Variants in XRN2 observed in about 807,000 individuals in gnomAD.
The protein encoded by XRN2 is DHM1-like protein.
Under a neutral mutation model 138.5 loss-of-function variants are expected in XRN2, and 44 were observed. The ratio of observed to expected loss-of-function variants is 0.32; its 90% CI spans 0.25 to 0.41. The LOEUF (loss-of-function observed/expected upper bound fraction) is 0.41, where lower values mean the gene tolerates loss of function less well. XRN2 is among the 10% of genes least tolerant of loss of function. The pLI is 1.00. For synonymous variants in XRN2, 354 were observed against 369.4 expected (o/e 0.96, Z 0.48); for missense variants, 937 against 1,169.3 (o/e 0.80, Z 2.90).
intron 25 of XRN2, 39 bp from the exon 26 acceptor site, chr20:21,365,534 T>G: frequency 6.2e-7 from 1 of 1,613,540 alleles, no homozygotes; most frequent in Non-Finnish European, 8.5e-7. Flanking sequence ...CAAATGGTTT[T>G]CATCCCTATT....
chr20:21,368,416 G>T (rs763935763), intron 26 of XRN2, 47 bp from the exon 27 acceptor site: 3 of 1,609,694 alleles, frequency 1.9e-6, no homozygotes, highest in African/African-American at 2.7e-5. Flanking sequence ...GTTATGATGG[G>T]TATATCACTA....
At chr20:21,340,923 G>A in intron 15 of XRN2, 71 bp downstream of exon 15, 2 of 1,554,108 alleles carry the variant, frequency 1.3e-6, no homozygotes, top group Middle Eastern at 1.7e-4. Context: ...GGTGGTGTGT[G>A]TGTGAAATTT....
intron 13 of XRN2, 78 bp from the exon 14 acceptor site, chr20:21,338,966 C>T (rs1416333605): frequency 9.3e-6 from 13 of 1,397,228 alleles, no homozygotes; most frequent in Non-Finnish European, 1.3e-5. Flanking sequence ...AGTTGTCTCC[C>T]AAATCATTCC....
At chr20:21,387,136 C>A in intron 29 of XRN2, 130 bp downstream of exon 29, 1 of 1,274,040 alleles carries the variant, frequency 7.8e-7, no homozygotes, top group Non-Finnish European at 1.1e-6. Context: ...CTTGGCTGAA[C>A]TTGGGTCTGT....
chr20:21,353,180 T>C (rs1446674750), intron 20 of XRN2, among the ~76,000 whole-genome samples: 1 of 144,964 alleles, frequency 6.9e-6, no homozygotes, highest in Non-Finnish European at 1.5e-5. Context: ...TATGTTTATA[T>C]ATATTTTATA....
intron 1 of XRN2, among the ~76,000 whole-genome samples, chr20:21,320,290 T>TG (rs2038020694): frequency 4.0e-5 from 6 of 149,744 alleles, no homozygotes; most frequent in Non-Finnish European, 3.0e-5. Flanking sequence ...TATTTATTTA[T>TG]TTATGTATTT....
intron 20 of XRN2, 32 bp downstream of exon 20, chr20:21,349,493 T>C: frequency 7.0e-7 from 1 of 1,426,300 alleles, no homozygotes; most frequent in Non-Finnish European, 9.8e-7. Flanking sequence ...CTGGTAAAAC[T>C]GTGAACAAAC....
chr20:21,361,094 A>G (rs1178228048), intron 24 of XRN2, among the ~76,000 whole-genome samples: 1 of 152,240 alleles, frequency 6.6e-6, no homozygotes, highest in Non-Finnish European at 1.5e-5. Flanking sequence ...TAGCATTTCT[A>G]AGGATAATTC....
chr20:21,331,779 C>G lies in XRN2; in HGVS notation c.661C>G (p.His221Asp). ...TCTCTCTTGTTTAGCCCAGCCTAACCATGACCCAAATACTCATCATTGTTT... is the reference window on the plus strand; with the variant it reads ...TCTCTCTTGTTTAGCCCAGCCTAACGATGACCCAAATACTCATCATTGTTT... ...YIRRQRAQPN[H>D]DPNTHHCLCG... Residue 221 changes from histidine (H) to aspartate (D), a missense_variant, in exon 8 of 30, where the codon CAT becomes GAT. By Grantham distance (81) the His-to-Asp change is moderately conservative. This residue lies in a region of XRN2 where 471 missense variants were observed against 581.2 expected (regional missense o/e 0.81). Coordinates refer to ENST00000377191, the MANE Select transcript of XRN2 (RefSeq NM_012255.5). The G allele has an allele frequency of 6.2e-7, 1 of 1,608,750 alleles. No homozygotes were observed. Among genetic ancestry groups the G allele is most frequent in the Non-Finnish European group, 8.5e-7 (1 of 1,178,724 alleles).
At chr20:21,330,588 GTTAAT>G in intron 5 of XRN2, 23 bp from the exon 6 acceptor site, 1 of 1,613,156 alleles carries the variant, frequency 6.2e-7, no homozygotes. Context: ...TAAATGATAG[GTTAAT>G]TTATTTCTTT....
chr20:21,373,728 T>C (rs1222130562), intron 27 of XRN2, among the ~76,000 whole-genome samples: 1 of 152,256 alleles, frequency 6.6e-6, no homozygotes, highest in Non-Finnish European at 1.5e-5. Context: ...TCCTGGTGAC[T>C]AAGTGGAGCA....
intron 26 of XRN2, 71 bp downstream of exon 26, chr20:21,365,775 TA>T (rs1450319413): frequency 8.2e-7 from 1 of 1,215,820 alleles, no homozygotes; most frequent in East Asian, 3.2e-5. Flanking sequence ...AGTCAGTATT[TA>T]TGCCATATAT....
At chr20:21,364,936 T>TC (rs1334103853) in intron 24 of XRN2, among the ~76,000 whole-genome samples, 5 of 151,800 alleles carry the variant, frequency 3.3e-5, no homozygotes, top group Non-Finnish European at 5.9e-5. Flanking sequence ...GTTAAGTCCA[T>TC]CCCCCCCGCA....
rs759105863 is a variant in XRN2 at position 21,330,467 on chromosome 20, C to A, written c.428-14C>A. On this transcript the variant is annotated splice_polypyrimidine_tract_variant and intron_variant, in intron 4 of 29. Transcript: ENST00000377191. ...TTTTTATGGGGAGAACAAAACGTTG[C>A]CTCTTTTCTCTAGGTGGCTTTCTTC... is the stretch of plus-strand genomic sequence containing the variant. 1.2e-6 allele frequency: 2 copies of A among 1,612,500 alleles called. No homozygotes were observed.
At chr20:21,384,341 C>T (rs7273533) in intron 28 of XRN2, among the ~76,000 whole-genome samples, 15,126 of 152,058 alleles carry the variant, frequency 0.099, 1,321 homozygotes, top group African/African-American at 0.24. Context: ...AATAAAACTC[C>T]GATTTTACCA....
chr20:21,323,081 G>A (rs1030198278), intron 1 of XRN2, among the ~76,000 whole-genome samples: 11 of 152,248 alleles, frequency 7.2e-5, no homozygotes, highest in African/African-American at 2.2e-4. Flanking sequence ...TGTGACTGGC[G>A]CTGATGAATC....
Position 21,306,554 on chromosome 20 carries a change from C to T in XRN2, c.75+3081C>T, listed in dbSNP as rs1183596440. Among the ~76,000 whole-genome samples the T allele has an allele frequency of 2.6e-5, 2 of 76,704 alleles. 1 individual carries two copies. The highest frequency in any genetic ancestry group is 6.1e-5 in the Non-Finnish European group (2 of 32,638). The allele number at this position is 76,704 out of a possible 152,430, so 50.3% of individuals were successfully genotyped here. A position where few individuals can be genotyped will look rare whatever the true frequency, so the allele number is the denominator to read the frequency against. On this transcript the variant is annotated intron_variant, in intron 1 of 29. Transcript: ENST00000377191. ...TGTTAATGTGATGTATTTATTTAAC[C>T]AGCAGTTATATAGCATTTACCATTG...
At chr20:21,380,339 G>A (rs1232233641) in intron 27 of XRN2, among the ~76,000 whole-genome samples, 3 of 152,158 alleles carry the variant, frequency 2.0e-5, no homozygotes, top group Non-Finnish European at 2.9e-5. Context: ...TTTACTTTCA[G>A]TAGATTACTT....
intron 20 of XRN2, among the ~76,000 whole-genome samples, chr20:21,351,682 T>G (rs1404023743): frequency 2.0e-5 from 3 of 152,224 alleles, no homozygotes; most frequent in African/African-American, 7.2e-5. Flanking sequence ...CATGAATCTT[T>G]TTTCCTATGT....
Sources: gnomAD v4.1 joint callset for allele counts (sites outside exome capture counted in the v4.1 genomes callset) on GRCh38, gnomAD v4.1.1 for gene constraint, gnomAD v4.1.1 regional missense constraint, MANE v1.5 for transcripts, NCBI Gene and HGNC (gene_info 2026-07-23, HGNC 2026-07-21) for gene names.